Variants in C11orf65 observed in about 807,000 individuals in gnomAD.
The protein encoded by C11orf65 is protein MFI.
C11orf65 carries 38 observed loss-of-function variants against 35.3 expected under a neutral mutation model. The ratio of observed to expected loss-of-function variants is 1.08; its 90% CI spans 0.83 to 1.41. C11orf65 has a LOEUF of 1.41. C11orf65 is among the 40% of genes most tolerant of loss of function. The pLI is 0.00. For synonymous variants in C11orf65, 105 were observed against 114.4 expected (o/e 0.92, Z 0.53); for missense variants, 370 against 367.1 (o/e 1.01, Z -0.06).
At chr11:108,432,549 T>C (rs1460147770) in intron 2 of C11orf65, among the ~76,000 whole-genome samples, 2 of 152,116 alleles carry the variant, frequency 1.3e-5, no homozygotes, top group Non-Finnish European at 2.9e-5. Context: ...TCTTGGAAAA[T>C]TATTTCTTTG....
At chr11:108,362,711 A>G (rs1187365615) in intron 2 of C11orf65, among the ~76,000 whole-genome samples, 1 of 145,368 alleles carries the variant, frequency 6.9e-6, no homozygotes, top group Non-Finnish European at 1.5e-5. Flanking sequence ...AAAAAACCAA[A>G]CACCGCATAT....
At chr11:108,448,871 A>G (rs975688356) in intron 2 of C11orf65, among the ~76,000 whole-genome samples, 1 of 152,230 alleles carries the variant, frequency 6.6e-6, no homozygotes, top group East Asian at 1.9e-4. Flanking sequence ...ACATGATTGT[A>G]TATCTAGAAA....
chr11:108,361,821 G>A (rs1383609393), intron 2 of C11orf65, among the ~76,000 whole-genome samples: 5 of 152,162 alleles, frequency 3.3e-5, no homozygotes, highest in East Asian at 3.9e-4. Flanking sequence ...AGACTTAAAC[G>A]TTAGACCTAA....
At chr11:108,449,303 C>A (rs1474849958) in intron 2 of C11orf65, among the ~76,000 whole-genome samples, 4 of 151,704 alleles carry the variant, frequency 2.6e-5, no homozygotes, top group Non-Finnish European at 5.9e-5. Flanking sequence ...TCATATGGAA[C>A]CAAAAAAAGA....
intron 2 of C11orf65, among the ~76,000 whole-genome samples, chr11:108,341,463 T>C (rs1203916744): frequency 6.6e-6 from 1 of 152,186 alleles, no homozygotes; most frequent in African/African-American, 2.4e-5. Context: ...ATAGTCTTCA[T>C]CTGCCTTTTT....
At chr11:108,318,370 TAAATA>T (rs2084931316) in intron 6 of C11orf65, among the ~76,000 whole-genome samples, 1 of 145,384 alleles carries the variant, frequency 6.9e-6, no homozygotes, top group Non-Finnish European at 1.5e-5. Context: ...TCTAAAAAAA[TAAATA>T]AAATAAAAAA....
intron 7 of C11orf65, among the ~76,000 whole-genome samples, chr11:108,387,681 C>A (rs1255291386): frequency 6.6e-6 from 1 of 152,078 alleles, no homozygotes; most frequent in East Asian, 1.9e-4. Flanking sequence ...ATGCATGTCA[C>A]CACACCTGGC....
At position 108,390,857 on chromosome 11, in the gene C11orf65, TTTC is replaced by T. The variant is rs142638850; in HGVS notation, c.731+2348_731+2350del. ...TATTGGGGTTATTGAATCATAGCAATTTCTTCTTATTTAAAAATATTTTAAAGC... is the reference window on the plus strand; with the variant it reads ...TATTGGGGTTATTGAATCATAGCAATTTCTTATTTAAAAATATTTTAAAGC... On this transcript the variant is annotated intron_variant, in intron 7 of 8. Transcript: ENST00000393084. 2.1e-3 allele frequency among the ~76,000 whole-genome samples: 315 copies of T among 152,308 alleles called. 2 individuals are homozygous for T. The highest frequency in any genetic ancestry group is 7.2e-3 in the African/African-American group (299 of 41,566).
intron 7 of C11orf65, 106 bp downstream of exon 7, chr11:108,393,101 TC>T: frequency 4.8e-6 from 6 of 1,255,896 alleles, no homozygotes; most frequent in South Asian, 1.7e-5. Flanking sequence ...GTTTTTTTTT[TC>T]TTTGAAGATT....
At chr11:108,424,527 C>T in intron 3 of C11orf65, among the ~76,000 whole-genome samples, 1 of 152,076 alleles carries the variant, frequency 6.6e-6, no homozygotes, top group East Asian at 1.9e-4. Context: ...TCTTAGAGAC[C>T]TACAAGGAGA....
intron 6 of C11orf65, among the ~76,000 whole-genome samples, chr11:108,312,930 G>A (rs1046195789): frequency 4.6e-5 from 7 of 152,110 alleles, no homozygotes; most frequent in South Asian, 2.1e-4. Flanking sequence ...GATGCTTGCC[G>A]AATTTCTTTG....
chr11:108,357,703 A>T (rs971677759), intron 2 of C11orf65, among the ~76,000 whole-genome samples: 11 of 152,280 alleles, frequency 7.2e-5, no homozygotes, highest in South Asian at 2.1e-4. Context: ...CTCACACGGC[A>T]GGGTACTCCA....
intron 2 of C11orf65, among the ~76,000 whole-genome samples, chr11:108,373,383 TTAA>T (rs2091624608): frequency 6.6e-6 from 1 of 152,196 alleles, no homozygotes; most frequent in Non-Finnish European, 1.5e-5. Flanking sequence ...CACGTCATAT[TTAA>T]TGATGAAAAC....
chr11:108,340,328 C>A (rs897738308), intron 2 of C11orf65: 1 of 152,112 alleles, frequency 6.6e-6, no homozygotes, highest in Non-Finnish European at 1.5e-5. Context: ...AGCAAGATGT[C>A]ATATCATTTC....
At chr11:108,324,948 G>A (rs1203025430) in intron 6 of C11orf65, among the ~76,000 whole-genome samples, 3 of 152,160 alleles carry the variant, frequency 2.0e-5, no homozygotes, top group Non-Finnish European at 2.9e-5. Flanking sequence ...ACTACAGGCA[G>A]TATTGAAGCA....
At chr11:108,461,659 G>C in intron 1 of C11orf65, 91 bp from the exon 2 acceptor site, 1 of 855,882 alleles carries the variant, frequency 1.2e-6, no homozygotes, top group Admixed American at 2.7e-5. Context: ...ACACATTCTT[G>C]CTCTGTCACC....
At chr11:108,365,740 G>A (rs373104386) in intron 2 of C11orf65, 52 of 585,344 alleles carry the variant, frequency 8.9e-5, no homozygotes, top group African/African-American at 5.0e-4. Flanking sequence ...CGGGCTGGGC[G>A]CAGCGGCTCA....
chr11:108,331,128 T>C, downstream of C11orf65: 1 of 1,053,426 alleles, frequency 9.5e-7, no homozygotes, highest in Non-Finnish European at 1.2e-6. Flanking sequence ...TTCTCAGGAA[T>C]CAAGATCACA....
At chr11:108,441,176 C>G (rs1383071924) in intron 2 of C11orf65, among the ~76,000 whole-genome samples, 2 of 152,242 alleles carry the variant, frequency 1.3e-5, no homozygotes, top group Non-Finnish European at 2.9e-5. Context: ...AGATTATATC[C>G]TGCACCTGGC....
Sources: allele counts gnomAD v4.1 joint callset (sites outside exome capture counted in the v4.1 genomes callset), GRCh38; gene constraint gnomAD v4.1.1; transcripts MANE v1.5; gene names NCBI Gene and HGNC (gene_info 2026-07-23, HGNC 2026-07-21).